MTOR: variants seen among roughly 807,000 people sequenced by gnomAD.
MTOR encodes mechanistic target of rapamycin kinase, also known as serine/threonine-protein kinase mTOR.
A neutral mutation model predicts 319.8 loss-of-function variants in MTOR; 70 were observed. The observed-to-expected ratio is 0.22, with a 90% CI of 0.18 to 0.27. The LOEUF is 0.27. Among genes scored for constraint, MTOR ranks in the 10% least tolerant of loss-of-function variants. The pLI, the probability that MTOR is intolerant of heterozygous loss-of-function variation, is 1.00. For synonymous variants in MTOR, 1,183 were observed against 1,211.4 expected, an observed-to-expected ratio of 0.98 and a Z score of 0.49; for missense variants, 1,890 against 3,274.4, an observed-to-expected ratio of 0.58 and a Z score of 10.32.
At chr1:11,150,252 G>C in intron 30 of MTOR, 26 bp from the exon 31 acceptor site, 1 of 1,592,246 alleles carries the variant, frequency 6.3e-7, no homozygotes, top group Non-Finnish European at 8.6e-7. Flanking sequence ...TATATAGTCA[G>C]ATTAATCCAA....
chr1:11,152,218 G>C (rs978282270), intron 30 of MTOR: 2 of 152,190 alleles, frequency 1.3e-5, no homozygotes, highest in African/African-American at 4.8e-5. Context: ...AAAAACATGA[G>C]ATTGTTTATG....
chr1:11,109,794 T>G lies in MTOR; in HGVS notation c.7367-65A>C. 1 of 1,396,656 alleles carries G rather than the reference T, an allele frequency of 7.2e-7. No homozygotes were observed. Among genetic ancestry groups the G allele is most frequent in the East Asian group, 2.3e-5 (1 of 43,800 alleles). The allele number at this position is 1,396,656 out of a possible 1,614,324, so 86.5% of individuals were successfully genotyped here. A position where few individuals can be genotyped will look rare whatever the true frequency, so the allele number is the denominator to read the frequency against. On this transcript the variant is annotated intron_variant, in intron 54 of 57. Coordinates refer to ENST00000361445, the MANE Select transcript of MTOR (RefSeq NM_004958.4). The surrounding 1 kb of genome is among the most constrained non-coding windows in gnomAD (Gnocchi z 4.0). ...CAAAAAGCCACTGTTGGTGTTAGCA[T>G]CTAATTCTCTACGCACTCTATTCCT...
At chr1:11,227,677 G>C (rs962904627) in intron 19 of MTOR, among the ~76,000 whole-genome samples, 8 of 152,236 alleles carry the variant, frequency 5.3e-5, no homozygotes, top group Non-Finnish European at 8.8e-5. Context: ...AGTGAGAGGT[G>C]GGGGAGGGGA....
intron 28 of MTOR, among the ~76,000 whole-genome samples, chr1:11,194,101 A>T (rs1423973831): frequency 6.6e-6 from 1 of 152,008 alleles, no homozygotes; most frequent in Non-Finnish European, 1.5e-5. Context: ...AATCTTACTG[A>T]TACTGTTTGG....
chr1:11,128,806 ACAG>A lies in MTOR; in HGVS notation c.5811+46_5811+48del. 1 of 1,476,546 alleles carries A rather than the reference ACAG, an allele frequency of 6.8e-7. No individual in the cohort carries two copies. The highest frequency in any genetic ancestry group is 2.3e-5 in the East Asian group (1 of 44,144). The allele number at this position is 1,476,546 out of a possible 1,614,324, so 91.5% of individuals were successfully genotyped here. A position where few individuals can be genotyped will look rare whatever the true frequency, so the allele number is the denominator to read the frequency against. On this transcript the variant is annotated intron_variant, in intron 41 of 57. Coordinates refer to ENST00000361445, the MANE Select transcript of MTOR (RefSeq NM_004958.4). The surrounding 1 kb of genome is among the most constrained non-coding windows in gnomAD (Gnocchi z 5.3). ...ACAGCATGCTTGTAAGAGGAGACAC[ACAG>A]AAGAGAGACTTGGAGCCACCTTCAC...
chr1:11,234,362 AC>A, intron 13 of MTOR, 97 bp from the exon 14 acceptor site: 1 of 1,408,346 alleles, frequency 7.1e-7, no homozygotes, highest in Non-Finnish European at 9.6e-7. Flanking sequence ...TGGGGGAAAA[AC>A]CCAGACCTCC....
chr1:11,186,274 G>C (rs1470973527), intron 28 of MTOR, among the ~76,000 whole-genome samples: 3 of 151,988 alleles, frequency 2.0e-5, no homozygotes, highest in Non-Finnish European at 4.4e-5. Context: ...CTCTCCAACG[G>C]GGCATTTTCA....
Position 11,115,057 on chromosome 1 carries a change from C to G in MTOR, c.7090-170G>C, listed in dbSNP as rs566163156. Among the ~76,000 whole-genome samples, 1 of 149,956 alleles carries G rather than the reference C, an allele frequency of 6.7e-6. No homozygotes were observed. The highest frequency in any genetic ancestry group is 2.5e-5 in the African/African-American group (1 of 40,772). On this transcript the variant is annotated intron_variant, in intron 51 of 57. Transcript: ENST00000361445. This position sits in a 1 kb window ranked among gnomAD's most constrained non-coding sequence, Gnocchi z 4.5. Reference sequence around the variant, plus strand: ...CTTGTCACAGGGATTTGAAAGACAACTTAAAAAAAAAAAGAAACGAACAAC... The same window carrying G: ...CTTGTCACAGGGATTTGAAAGACAAGTTAAAAAAAAAAAGAAACGAACAAC...
At chr1:11,200,859 C>T (rs759310511) in intron 26 of MTOR, among the ~76,000 whole-genome samples, 1 of 151,730 alleles carries the variant, frequency 6.6e-6, no homozygotes, top group Non-Finnish European at 1.5e-5. Flanking sequence ...ACTAAAAATA[C>T]AAAAAATTAG....
At chr1:11,165,388 C>T (rs1251960196) in intron 29 of MTOR, among the ~76,000 whole-genome samples, 6 of 152,208 alleles carry the variant, frequency 3.9e-5, no homozygotes, top group Non-Finnish European at 8.8e-5. Flanking sequence ...TAAGCAACTT[C>T]AGCAAAGTCT....
rs756294931 is a variant in MTOR at position 11,129,700 on chromosome 1, A to G, written c.5714+38T>C. ...GTGACTTCTAGGTCTTGCCATTAAC[A>G]TGGCCTACCAGAGTTGCATCCTTCC... On this transcript the variant is annotated intron_variant, in intron 40 of 57. Coordinates refer to ENST00000361445, the MANE Select transcript of MTOR (RefSeq NM_004958.4). This position sits in a 1 kb window ranked among gnomAD's most constrained non-coding sequence, Gnocchi z 4.7. 2 of 1,577,426 alleles carry G rather than the reference A, an allele frequency of 1.3e-6. No homozygotes were observed. Among genetic ancestry groups the G allele is most frequent in the South Asian group, 2.2e-5 (2 of 89,668 alleles).
intron 36 of MTOR, among the ~76,000 whole-genome samples, chr1:11,137,592 AC>A (rs1437479221): frequency 6.6e-6 from 1 of 152,212 alleles, no homozygotes; most frequent in African/African-American, 2.4e-5. Flanking sequence ...TAAATGAAGG[AC>A]CTGTCACTTG....
intron 47 of MTOR, among the ~76,000 whole-genome samples, chr1:11,124,105 A>C (rs1246126228): frequency 6.6e-6 from 1 of 152,020 alleles, no homozygotes; most frequent in African/African-American, 2.4e-5. Flanking sequence ...TAATTTTTTT[A>C]AATAAATAGT....
intron 36 of MTOR, among the ~76,000 whole-genome samples, chr1:11,136,518 G>A (rs907924478): frequency 6.6e-6 from 1 of 152,040 alleles, no homozygotes; most frequent in East Asian, 1.9e-4. Flanking sequence ...TTCCTTTAGA[G>A]ACAGGGTCTC....
chr1:11,183,646 T>G (rs1645226533), intron 28 of MTOR, among the ~76,000 whole-genome samples: 2 of 152,234 alleles, frequency 1.3e-5, no homozygotes, highest in African/African-American at 4.8e-5. Flanking sequence ...TTTTCTATCT[T>G]AAGAAATCTT....
intron 28 of MTOR, among the ~76,000 whole-genome samples, chr1:11,172,985 T>C (rs1644870142): frequency 6.6e-6 from 1 of 151,806 alleles, no homozygotes; most frequent in South Asian, 2.1e-4. Context: ...ACTGTCCATA[T>C]CCACTCTCTT....
rs1289454809 is a variant in MTOR at position 11,212,519 on chromosome 1, C to T, written c.3399-45G>A. On this transcript the variant is annotated intron_variant, in intron 22 of 57. Transcript: ENST00000361445. This position sits in a 1 kb window ranked among gnomAD's most constrained non-coding sequence, Gnocchi z 4.1. ...ACAGTAACTGCTAACATACAATCTC[C>T]AAGGAAGAGACGTGACTGAGGGTGA... The T allele has an allele frequency of 1.9e-6, 3 of 1,589,850 alleles. No homozygotes were observed. Among genetic ancestry groups the T allele is most frequent in the East Asian group, 4.5e-5 (2 of 44,710 alleles).
chr1:11,255,904 T>C lies in MTOR; in HGVS notation c.705+88A>G, dbSNP rs533676623. 34 of 1,228,782 alleles carry C rather than the reference T, an allele frequency of 2.8e-5. No individual in the cohort carries two copies. The African/African-American group carries it at 4.0e-4, about 14-fold the overall frequency. 76.1% of individuals were successfully genotyped at this position (1,228,782 alleles called of 1,614,324 possible). A position where few individuals can be genotyped will look rare whatever the true frequency, so the allele number is the denominator to read the frequency against. On this transcript the variant is annotated intron_variant, in intron 5 of 57. Transcript: ENST00000361445. Reference sequence around the variant, plus strand: ...AAACCAAAACGTGATTCTTGCTCCATGGCAAGGGCTTGTGGCTGCCCTTTA... The same window carrying C: ...AAACCAAAACGTGATTCTTGCTCCACGGCAAGGGCTTGTGGCTGCCCTTTA...
intron 30 of MTOR, 45 bp from the exon 31 acceptor site, chr1:11,150,271 A>G: frequency 6.5e-7 from 1 of 1,536,488 alleles, no homozygotes; most frequent in Non-Finnish European, 8.9e-7. Flanking sequence ...AAATCTCCTT[A>G]AACTACCAAT....
Sources: allele counts gnomAD v4.1 joint callset (sites outside exome capture counted in the v4.1 genomes callset), GRCh38; gene constraint gnomAD v4.1.1; non-coding constraint Gnocchi (gnomAD v3.1); transcripts MANE v1.5; gene names NCBI Gene and HGNC (gene_info 2026-07-23, HGNC 2026-07-21).